UTRN: variants seen among roughly 807,000 people sequenced by gnomAD.
The protein encoded by UTRN is utrophin, also known as dystrophin-related protein 1.
A neutral mutation model predicts 463.9 loss-of-function variants in UTRN; 283 were observed. The ratio of observed to expected loss-of-function variants is 0.61; its 90% CI spans 0.55 to 0.67. UTRN has a LOEUF of 0.67. UTRN is among the 30% of genes least tolerant of loss of function. The pLI is 0.00. For synonymous variants in UTRN, 1,442 were observed against 1,431.5 expected, an observed-to-expected ratio of 1.01 and a Z score of -0.17; for missense variants, 3,922 against 4,084.3, an observed-to-expected ratio of 0.96 and a Z score of 1.08.
intron 51 of UTRN, among the ~76,000 whole-genome samples, chr6:144,607,877 T>C (rs1805037977): frequency 6.6e-6 from 1 of 152,206 alleles, no homozygotes; most frequent in African/African-American, 2.4e-5. Flanking sequence ...TTTGTTTTAT[T>C]TGGGACTGTC....
intron 51 of UTRN, among the ~76,000 whole-genome samples, chr6:144,612,674 T>A (rs986359822): frequency 2.0e-5 from 3 of 152,110 alleles, no homozygotes; most frequent in Non-Finnish European, 2.9e-5. Flanking sequence ...CCAGTTAGAA[T>A]GGCTGTTGTC....
chr6:144,632,080 T>C (rs1776588137), intron 51 of UTRN, among the ~76,000 whole-genome samples: 1 of 152,346 alleles, frequency 6.6e-6, no homozygotes, highest in Non-Finnish European at 1.5e-5. Context: ...TTCTGAATTC[T>C]GTGGGGACCA....
chr6:144,548,583 A>G, intron 46 of UTRN, 57 bp from the exon 47 acceptor site: 1 of 1,531,396 alleles, frequency 6.5e-7, no homozygotes, highest in Non-Finnish European at 8.9e-7. Context: ...CCATGACACC[A>G]CCATAATTAA....
intron 59 of UTRN, 69 bp from the exon 60 acceptor site, chr6:144,774,221 T>C: frequency 2.1e-6 from 3 of 1,402,984 alleles, no homozygotes; most frequent in Non-Finnish European, 2.9e-6. Flanking sequence ...AGTAACCAAA[T>C]ACATTCTGGG....
rs114679421 is a variant in UTRN at position 144,673,490 on chromosome 6, G to A, written c.7480-4916G>A. Among the ~76,000 whole-genome samples the A allele has an allele frequency of 2.3e-3, 354 of 152,144 alleles. 2 individuals are homozygous for A. Among genetic ancestry groups the A allele is most frequent in the African/African-American group, 7.9e-3 (330 of 41,526 alleles). On this transcript the variant is annotated intron_variant, in intron 51 of 74. Coordinates refer to ENST00000367545, the MANE Select transcript of UTRN (RefSeq NM_007124.3). ...GCTTGCTTTTGGTTTCCATTTGCAT[G>A]TAATATCTTTTTGTAATCCTTTACT...
chr6:144,371,608 T>G (rs1321706203), intron 2 of UTRN, among the ~76,000 whole-genome samples: 3 of 152,160 alleles, frequency 2.0e-5, no homozygotes, highest in African/African-American at 7.2e-5. Context: ...ATGGGGTTTC[T>G]CCATGTTGAG....
chr6:144,286,498 A>AT lies in UTRN; in HGVS notation c.-93+679dup, dbSNP rs1191051634. Among the ~76,000 whole-genome samples the AT allele has an allele frequency of 6.6e-6, 1 of 151,998 alleles. No homozygotes were observed. Among genetic ancestry groups the AT allele is most frequent in the Non-Finnish European group, 1.5e-5 (1 of 67,982 alleles). ...GGGGACAGGAGGAGGGGGGCGCCCC[A>AT]TTGGTGTGTAGTCCCGCGCAGTCGC... is the stretch of plus-strand genomic sequence containing the variant. On this transcript the variant is annotated intron_variant, in intron 1 of 74. Transcript: ENST00000367545. This position sits in a 1 kb window ranked among gnomAD's most constrained non-coding sequence, Gnocchi z 4.4.
At chr6:144,646,331 T>A (rs1437498583) in intron 51 of UTRN, among the ~76,000 whole-genome samples, 1 of 152,182 alleles carries the variant, frequency 6.6e-6, no homozygotes, top group Non-Finnish European at 1.5e-5. Flanking sequence ...ATTTAAAATG[T>A]GTGCATGTTA....
In UTRN at chr6:144,482,074, A is replaced by G. The variant is rs546912449; in HGVS notation, c.3508-135A>G. 1.3e-5 allele frequency: 9 copies of G among 715,786 alleles called. No homozygotes were observed. The South Asian group carries it at 3.4e-4, about 27-fold the overall frequency. The allele number at this position is 715,786 out of a possible 1,614,324, so 44.3% of individuals were successfully genotyped here. A position where few individuals can be genotyped will look rare whatever the true frequency, so the allele number is the denominator to read the frequency against. On this transcript the variant is annotated intron_variant, in intron 26 of 74. Coordinates refer to ENST00000367545, the MANE Select transcript of UTRN (RefSeq NM_007124.3). ...AGAACCATTCACTGTTACCTAAATA[A>G]TGTTCTATTTTGGCAGTTAGAATCA... is the stretch of plus-strand genomic sequence containing the variant.
At chr6:144,441,593 T>C (rs1248041893) in intron 13 of UTRN, among the ~76,000 whole-genome samples, 2 of 152,140 alleles carry the variant, frequency 1.3e-5, no homozygotes, top group East Asian at 1.9e-4. Flanking sequence ...TCCAGGTGCA[T>C]AGTGCAAGCT....
At position 144,754,734 on chromosome 6, in the gene UTRN, T is replaced by C; in HGVS notation, c.8370T>C (p.Asp2790=). Residue 2790 remains aspartate, a synonymous_variant, in exon 57 of 75, where the codon GAT becomes GAC. Coordinates refer to ENST00000367545, the MANE Select transcript of UTRN (RefSeq NM_007124.3). ...TATGTGTGCAGGTTTCTGTGGATGATCGCCTTAAACAGCTTCAGGAAGCCC... is the reference window on the plus strand; with the variant it reads ...TATGTGTGCAGGTTTCTGTGGATGACCGCCTTAAACAGCTTCAGGAAGCCC... The part of the protein sequence containing the change: ...RWKLLQVSVD[D]RLKQLQEAHR... 2 of 1,613,626 alleles carry C rather than the reference T, an allele frequency of 1.2e-6. No individual in the cohort carries two copies. The highest frequency in any genetic ancestry group is 1.7e-6 in the Non-Finnish European group (2 of 1,179,740).
At position 144,485,829 on chromosome 6, in the gene UTRN, A is replaced by G. The variant is rs374831721; in HGVS notation, c.3822+310A>G. 1.5e-3 allele frequency among the ~76,000 whole-genome samples: 226 copies of G among 152,330 alleles called. 2 individuals carry two copies. The highest frequency in any genetic ancestry group is 5.1e-3 in the African/African-American group (214 of 41,568). On this transcript the variant is annotated intron_variant, in intron 28 of 74. Coordinates refer to ENST00000367545, the MANE Select transcript of UTRN (RefSeq NM_007124.3). ...CCTGGACAAAGCTCTGCCATATGTT[A>G]TTAGGACAACTGCTCTCTTGTTTCA...
chr6:144,708,818 T>C (rs553878273), intron 53 of UTRN, among the ~76,000 whole-genome samples: 1 of 152,298 alleles, frequency 6.6e-6, no homozygotes, highest in African/African-American at 2.4e-5. Context: ...GCTCACACTT[T>C]TGGAGGCTGG....
intron 2 of UTRN, among the ~76,000 whole-genome samples, chr6:144,313,298 T>C (rs1775058447): frequency 6.6e-6 from 1 of 151,558 alleles, no homozygotes; most frequent in Non-Finnish European, 1.5e-5. Context: ...TTGAGAAATA[T>C]GGCTTGTGCT....
chr6:144,630,657 A>G (rs1472651269), intron 51 of UTRN, among the ~76,000 whole-genome samples: 2 of 152,200 alleles, frequency 1.3e-5, no homozygotes, highest in Non-Finnish European at 2.9e-5. Flanking sequence ...AAACCATATC[A>G]TCCTGATACA....
intron 53 of UTRN, among the ~76,000 whole-genome samples, chr6:144,714,554 T>C (rs1786169415): frequency 6.6e-6 from 1 of 152,230 alleles, no homozygotes; most frequent in African/African-American, 2.4e-5. Context: ...GTTCTTCTGC[T>C]GCCATCTTGA....
chr6:144,497,608 G>A (rs1181095387), intron 33 of UTRN, among the ~76,000 whole-genome samples: 1 of 151,854 alleles, frequency 6.6e-6, no homozygotes, highest in African/African-American at 2.4e-5. Context: ...TTGAACCTGG[G>A]AGGCTGAGGT....
intron 2 of UTRN, among the ~76,000 whole-genome samples, chr6:144,325,227 G>A (rs946144718): frequency 6.6e-6 from 1 of 152,206 alleles, no homozygotes; most frequent in Admixed American, 6.5e-5. Flanking sequence ...GTGCAACAGT[G>A]TTTGGAGGTG....
At chr6:144,308,658 C>T (rs1417565553) in intron 2 of UTRN, among the ~76,000 whole-genome samples, 24 of 152,096 alleles carry the variant, frequency 1.6e-4, no homozygotes, top group Non-Finnish European at 2.9e-5. Flanking sequence ...AACTTCAATA[C>T]CACATCTATC....
Sources: allele counts gnomAD v4.1 joint callset (sites outside exome capture counted in the v4.1 genomes callset), GRCh38; gene constraint gnomAD v4.1.1; non-coding constraint Gnocchi (gnomAD v3.1); transcripts MANE v1.5; gene names NCBI Gene and HGNC (gene_info 2026-07-23, HGNC 2026-07-21).